The following CCSER1 variants were observed in gnomAD, a reference collection of about 807,000 sequenced individuals.
CCSER1 encodes serine-rich coiled-coil domain-containing protein 1.
A neutral mutation model predicts 82.0 loss-of-function variants in CCSER1; 41 were observed. The ratio of observed to expected loss-of-function variants is 0.50; its 90% CI spans 0.39 to 0.65. CCSER1 has a LOEUF of 0.65. CCSER1 is among the 30% of genes least tolerant of loss of function. The probability of loss-of-function intolerance (pLI) is 0.00; values close to 1 mark genes in which losing one functional copy is unlikely to be tolerated. For synonymous variants in CCSER1, 414 were observed against 383.9 expected, an observed-to-expected ratio of 1.08 and a Z score of -0.92; for missense variants, 1,119 against 1,064.2, an observed-to-expected ratio of 1.05 and a Z score of -0.72.
At chr4:90,238,951 A>G (rs1746324606) in intron 1 of CCSER1, among the ~76,000 whole-genome samples, 1 of 151,970 alleles carries the variant, frequency 6.6e-6, no homozygotes, top group Non-Finnish European at 1.5e-5. Flanking sequence ...CCCAGGTTCA[A>G]GCGATTCTCC....
chr4:90,309,044 G>A lies in CCSER1; in HGVS notation c.760G>A (p.Ala254Thr). Residue 254 changes from alanine (A) to threonine (T), a missense_variant, in exon 2 of 11, where the codon GCT becomes ACT. Coordinates refer to ENST00000509176, the MANE Select transcript of CCSER1 (RefSeq NM_001145065.2). ...SPLLSADLTT[A>T]QTPSEFLALT... The stretch of plus-strand genomic sequence containing the variant: ...TTTGCTTTCTGCTGATCTTACCACA[G>A]CTCAGACACCTTCAGAATTTTTAGC... 6.2e-7 allele frequency: 1 copy of A among 1,613,772 alleles called. No homozygotes were observed. Among genetic ancestry groups the A allele is most frequent in the Non-Finnish European group, 8.5e-7 (1 of 1,179,828 alleles).
chr4:90,844,692 T>C (rs868451461), intron 8 of CCSER1, among the ~76,000 whole-genome samples: 1 of 152,226 alleles, frequency 6.6e-6, no homozygotes, highest in African/African-American at 2.4e-5. Context: ...CCTGCTTTTT[T>C]TTTCTCTGCA....
In CCSER1 at chr4:90,539,887, T is replaced by C. The variant is rs112803678; in HGVS notation, c.1724+71533T>C. Among the ~76,000 whole-genome samples, 1,073 of 152,064 alleles carry C rather than the reference T, an allele frequency of 7.1e-3. 12 individuals carry two copies. The highest frequency in any genetic ancestry group is 0.025 in the African/African-American group (1,019 of 41,504). On this transcript the variant is annotated intron_variant, in intron 5 of 10. Transcript: ENST00000509176. Reference sequence around the variant, plus strand: ...TGTAGAGGTCAGTGTGTGGTTTATATAAGTAGTAGTAATTTACTTGAATGT... The same window carrying C: ...TGTAGAGGTCAGTGTGTGGTTTATACAAGTAGTAGTAATTTACTTGAATGT...
chr4:90,283,187 C>T (rs992103763), intron 1 of CCSER1, among the ~76,000 whole-genome samples: 1 of 151,786 alleles, frequency 6.6e-6, no homozygotes, highest in Non-Finnish European at 1.5e-5. Context: ...CTAATAGAAA[C>T]GCTAATATTT....
chr4:90,650,338 A>G (rs1406097983), intron 6 of CCSER1, among the ~76,000 whole-genome samples: 1 of 152,134 alleles, frequency 6.6e-6, no homozygotes, highest in Non-Finnish European at 1.5e-5. Context: ...AATAAGAATA[A>G]TGAAAAAAAA....
intron 10 of CCSER1, among the ~76,000 whole-genome samples, chr4:91,389,944 C>A (rs1751545727): frequency 6.6e-6 from 1 of 151,986 alleles, no homozygotes; most frequent in South Asian, 2.1e-4. Flanking sequence ...GTTATAATCA[C>A]TAGTTCCAGA....
At chr4:90,210,185 T>C (rs2153413612) in intron 1 of CCSER1, among the ~76,000 whole-genome samples, 1 of 152,330 alleles carries the variant, frequency 6.6e-6, no homozygotes, top group African/African-American at 2.4e-5. Context: ...GTCATTTCCC[T>C]TTTCCTTCTT....
chr4:91,071,157 C>T (rs1440107180), intron 9 of CCSER1, among the ~76,000 whole-genome samples: 5 of 152,034 alleles, frequency 3.3e-5, no homozygotes, highest in Non-Finnish European at 5.9e-5. Flanking sequence ...TTATTTAGAA[C>T]CTAGCATCAT....
At chr4:91,152,271 G>C (rs2079113) in intron 10 of CCSER1, among the ~76,000 whole-genome samples, 109,755 of 151,324 alleles carry the variant, frequency 0.73, 40,076 homozygotes, top group Non-Finnish European at 0.78. Flanking sequence ...TTTAAAGTCT[G>C]TTTTATTAGA....
At chr4:90,864,504 C>T (rs1161918394) in intron 8 of CCSER1, among the ~76,000 whole-genome samples, 14 of 151,930 alleles carry the variant, frequency 9.2e-5, no homozygotes, top group Non-Finnish European at 1.5e-5. Flanking sequence ...CATGTGATAC[C>T]TCCTACCATG....
At chr4:90,404,973 G>T (rs1459431206) in intron 4 of CCSER1, among the ~76,000 whole-genome samples, 1 of 151,978 alleles carries the variant, frequency 6.6e-6, no homozygotes, top group African/African-American at 2.4e-5. Context: ...GTTCCCAAAA[G>T]ACCATACCAG....
chr4:90,849,396 A>G (rs1025949159), intron 8 of CCSER1, among the ~76,000 whole-genome samples: 2 of 152,132 alleles, frequency 1.3e-5, no homozygotes, highest in African/African-American at 2.4e-5. Context: ...GAGAGAGATG[A>G]CTTAGGGTAT....
chr4:90,934,704 GGTGGATCAGGTGAGGTTGGGAGTTCGAGA>G (rs1436852561), intron 9 of CCSER1, among the ~76,000 whole-genome samples: 8 of 152,096 alleles, frequency 5.3e-5, no homozygotes, highest in Non-Finnish European at 1.0e-4. Flanking sequence ...GGCCAAGGCG[GGTGGATCAGGTGAGGTTGGGAGTTCGAGA>G]CCAGCCTGAC....
At position 91,216,004 on chromosome 4, in the gene CCSER1, C is replaced by T. The variant is rs534686346; in HGVS notation, c.2217+130010C>T. ...GATCCTCTCCCTCTTGTAACAAAAGCGGTCTGTGTTCTGAATCTCATACAC... is the reference window on the plus strand; with the variant it reads ...GATCCTCTCCCTCTTGTAACAAAAGTGGTCTGTGTTCTGAATCTCATACAC... On this transcript the variant is annotated intron_variant, in intron 10 of 10. Coordinates refer to ENST00000509176, the MANE Select transcript of CCSER1 (RefSeq NM_001145065.2). Among the ~76,000 whole-genome samples, 93 of 152,286 alleles carry T rather than the reference C, an allele frequency of 6.1e-4. 2 individuals carry two copies. The South Asian group carries it at 0.017, about 29-fold the overall frequency.
intron 1 of CCSER1, among the ~76,000 whole-genome samples, chr4:90,218,500 T>G (rs906281314): frequency 6.6e-6 from 1 of 152,182 alleles, no homozygotes; most frequent in Non-Finnish European, 1.5e-5. Flanking sequence ...GCTGCTAATT[T>G]AAAAAAGTTG....
chr4:90,633,945 G>A lies in CCSER1; in HGVS notation c.1932+5713G>A, dbSNP rs577483452. Among the ~76,000 whole-genome samples, 545 of 151,762 alleles carry A rather than the reference G, an allele frequency of 3.6e-3. 4 individuals carry two copies. Among genetic ancestry groups the A allele is most frequent in the African/African-American group, 0.012 (518 of 41,482 alleles). On this transcript the variant is annotated intron_variant, in intron 6 of 10. Transcript: ENST00000509176. ...TTTTTAGAAAAATGACCGATGTTGG[G>A]CCTTTAGAAATTCTATTGTTGTCAC...
chr4:90,740,632 G>T (rs1746383094), intron 7 of CCSER1, among the ~76,000 whole-genome samples: 1 of 152,094 alleles, frequency 6.6e-6, no homozygotes, highest in African/African-American at 2.4e-5. Flanking sequence ...TAAAGAACTT[G>T]TCAACATTAA....
intron 1 of CCSER1, among the ~76,000 whole-genome samples, chr4:90,231,498 A>G (rs543042198): frequency 2.7e-5 from 4 of 147,784 alleles, no homozygotes; most frequent in Non-Finnish European, 5.9e-5. Flanking sequence ...ATCTATGACA[A>G]ACCCACAGCC....
At chr4:90,911,752 G>A (rs1726404505) in intron 8 of CCSER1, among the ~76,000 whole-genome samples, 1 of 152,164 alleles carries the variant, frequency 6.6e-6, no homozygotes, top group South Asian at 2.1e-4. Flanking sequence ...GTGACAGACG[G>A]CACCTGGAAA....
Sources: allele counts gnomAD v4.1 joint callset (sites outside exome capture counted in the v4.1 genomes callset), GRCh38; gene constraint gnomAD v4.1.1; transcripts MANE v1.5; gene names NCBI Gene and HGNC (gene_info 2026-07-23, HGNC 2026-07-21).